Variants in TAF6 observed in about 807,000 individuals in gnomAD.
TAF6 encodes TATA-box binding protein associated factor 6, also known as transcription initiation factor TFIID subunit 6.
Under a neutral mutation model 73.5 loss-of-function variants are expected in TAF6, and 50 were observed. The ratio of observed to expected loss-of-function variants is 0.68; its 90% CI spans 0.54 to 0.86. The LOEUF is 0.86. TAF6 is among the 40% of genes least tolerant of loss of function. TAF6 has a pLI of 0.00. For missense variants in TAF6, 768 were observed against 899.5 expected (o/e 0.85, Z 1.87); for synonymous variants, 424 against 376.7 (o/e 1.13, Z -1.45).
rs192613888 is a variant in TAF6, at chr7:100,114,328, A to G, written c.-59-60T>C. On this transcript the variant is annotated intron_variant, in intron 1 of 14. Transcript: ENST00000453269. ...AACGTGAGACACAGGGAGAGGGCCAACAAAGGGAGGACAGTGGAGACAGGG... is the reference window on the plus strand; with the variant it reads ...AACGTGAGACACAGGGAGAGGGCCAGCAAAGGGAGGACAGTGGAGACAGGG... 1.2e-4 allele frequency: 188 copies of G among 1,535,444 alleles called. 2 individuals are homozygous for G. The African/African-American group carries it at 2.1e-3, about 17-fold the overall frequency.
At chr7:100,118,678 T>TA (rs935489800) in intron 1 of TAF6, 3 of 213,862 alleles carry the variant, frequency 1.4e-5, no homozygotes, top group African/African-American at 7.1e-5. Context: ...AAAAAAAAAT[T>TA]AAAGTGGCAC....
At chr7:100,111,023 T>G in intron 10 of TAF6, 116 bp downstream of exon 10, 1 of 1,224,912 alleles carries the variant, frequency 8.2e-7, no homozygotes. Flanking sequence ...TCAAGACCCT[T>G]AGACCCCCAC....
At chr7:100,114,380 TC>T in intron 1 of TAF6, 112 bp from the exon 2 acceptor site, 3 of 1,086,716 alleles carry the variant, frequency 2.8e-6, no homozygotes, top group Non-Finnish European at 4.1e-6. Context: ...CTTATGTCCA[TC>T]CCCACGTGAG....
At chr7:100,112,568 A>G (rs1377714043) in intron 6 of TAF6, among the ~76,000 whole-genome samples, 1 of 152,172 alleles carries the variant, frequency 6.6e-6, no homozygotes, top group Non-Finnish European at 1.5e-5. Flanking sequence ...TACAAAAATT[A>G]GCCGGGCGTG....
chr7:100,111,737 T>C lies in TAF6; in HGVS notation c.891A>G (p.Leu297=), dbSNP rs762507757. 3 of 1,614,156 alleles carry C rather than the reference T, an allele frequency of 1.9e-6. No homozygotes were observed. The highest frequency in any genetic ancestry group is 1.7e-6 in the Non-Finnish European group (2 of 1,180,010). The change falls in exon 9 of 15, where the codon CTA becomes CTG. Residue 297 remains leucine, a synonymous_variant. Coordinates refer to ENST00000453269, the MANE Select transcript of TAF6 (RefSeq NM_139315.3). ...GGGCAGGATCACTCACGTATTTTTC[T>C]AGATAGAGCGTGGGGTTGTCCATCA... The part of the protein sequence containing the change: ...KALMDNPTLY[L]EKYVHELIPA...
chr7:100,107,126 A>T lies in TAF6; in HGVS notation c.*120T>A. On this transcript the variant is annotated 3_prime_UTR_variant, in exon 15 of 15. Coordinates refer to ENST00000453269, the MANE Select transcript of TAF6 (RefSeq NM_139315.3). Reference sequence around the variant, plus strand: ...GAAACTGGCTGTACAATATCTAAAAAGAAAGTGACATGAAGGAAGCAATCT... The same window carrying T: ...GAAACTGGCTGTACAATATCTAAAATGAAAGTGACATGAAGGAAGCAATCT... 7.1e-7 allele frequency: 1 copy of T among 1,409,796 alleles called. No homozygotes were observed. The highest frequency in any genetic ancestry group is 9.4e-7 in the Non-Finnish European group (1 of 1,059,678). The allele number at this position is 1,409,796 out of a possible 1,614,324, so 87.3% of individuals were successfully genotyped here.
chr7:100,108,710 T>G, intron 12 of TAF6, 170 bp from the exon 13 acceptor site: 2 of 631,388 alleles, frequency 3.2e-6, no homozygotes, highest in Non-Finnish European at 5.3e-6. Flanking sequence ...TATTAGTGTG[T>G]GTACAGAACA....
At chr7:100,124,726 A>G (rs900950303), upstream of TAF6, 1 of 1,613,816 alleles carries the variant, frequency 6.2e-7, no homozygotes. Context: ...CCGATCTAGC[A>G]TGTCTACAGG....
chr7:100,109,531 CTG>C (rs1245596708), intron 12 of TAF6, among the ~76,000 whole-genome samples: 1 of 151,864 alleles, frequency 6.6e-6, no homozygotes, highest in African/African-American at 2.4e-5. Flanking sequence ...TGGTCTCCCT[CTG>C]TAACCCAGGC....
intron 1 of TAF6, chr7:100,116,494 ATG>A: frequency 6.6e-6 from 1 of 151,670 alleles, no homozygotes; most frequent in African/African-American, 2.4e-5. Flanking sequence ...AAAAAATTAG[ATG>A]GGCATGGTGG....
chr7:100,107,725 C>CTGTA, intron 14 of TAF6, 102 bp from the exon 15 acceptor site: 1 of 1,490,652 alleles, frequency 6.7e-7, no homozygotes, highest in South Asian at 1.3e-5. Context: ...CAAGTTGTTC[C>CTGTA]TGTAGTTCAC....
At chr7:100,119,051 A>AG in intron 1 of TAF6, 153 bp downstream of exon 1, 1 of 985,806 alleles carries the variant, frequency 1.0e-6, no homozygotes, top group Non-Finnish European at 1.2e-6. Flanking sequence ...GTCCCAGGGA[A>AG]GGGTTAACTT....
intron 14 of TAF6, 76 bp from the exon 15 acceptor site, chr7:100,107,699 T>G: frequency 6.4e-7 from 1 of 1,559,692 alleles, no homozygotes; most frequent in South Asian, 1.2e-5. Flanking sequence ...GACGCTTCAC[T>G]CGCTCCCTGC....
chr7:100,119,882 C>A (rs111538446), upstream of TAF6: 15 of 1,584,176 alleles, frequency 9.5e-6, no homozygotes, highest in African/African-American at 8.2e-5. Context: ...GGGGGTAGCC[C>A]CTATAGGCAT....
chr7:100,121,116 A>ATATTTTTTTT (rs1584585316), upstream of TAF6: 2 of 52,778 alleles, frequency 3.8e-5, no homozygotes, highest in Non-Finnish European at 6.4e-5. Flanking sequence ...ATATATATAT[A>ATATTTTTTTT]TTTTTTTTTT....
At chr7:100,113,984 C>A in intron 2 of TAF6, 30 bp from the exon 3 acceptor site, 5 of 1,614,142 alleles carry the variant, frequency 3.1e-6, no homozygotes, top group Non-Finnish European at 4.2e-6. Flanking sequence ...AGACATCAGC[C>A]CAAAATCCTA....
chr7:100,123,371 A>G (rs35146811), upstream of TAF6, among the ~76,000 whole-genome samples: 1 of 151,492 alleles, frequency 6.6e-6, no homozygotes, highest in African/African-American at 2.4e-5. Flanking sequence ...AAAACAAAAA[A>G]AAAGAAATCA....
chr7:100,125,046 A>T, the TAF6 span: 1 of 827,656 alleles, frequency 1.2e-6, no homozygotes, highest in East Asian at 2.6e-5. Context: ...ATCCTGGTGA[A>T]ACAGCATGAC....
intron 1 of TAF6, chr7:100,118,523 G>C (rs1306510782): frequency 6.6e-6 from 1 of 152,098 alleles, no homozygotes; most frequent in African/African-American, 2.4e-5. Flanking sequence ...CGGACCTGGT[G>C]GTGTGAACCT....
Sources: allele counts gnomAD v4.1 joint callset (sites outside exome capture counted in the v4.1 genomes callset), GRCh38; gene constraint gnomAD v4.1.1; transcripts MANE v1.5; gene names NCBI Gene and HGNC (gene_info 2026-07-23, HGNC 2026-07-21).